Variants in CFAP45 observed in about 807,000 individuals in gnomAD.
CFAP45 encodes cilia- and flagella-associated protein 45.
Under a neutral mutation model 75.6 loss-of-function variants are expected in CFAP45, and 43 were observed. The ratio of observed to expected loss-of-function variants is 0.57; its 90% CI spans 0.45 to 0.73. The LOEUF is 0.73. CFAP45 is among the 30% of genes least tolerant of loss of function. The pLI is 0.00. For missense variants in CFAP45, 689 were observed against 701.5 expected (o/e 0.98, Z 0.20); for synonymous variants, 223 against 244.6 (o/e 0.91, Z 0.82).
chr1:159,874,350 C>T (rs549760790), intron 10 of CFAP45, among the ~76,000 whole-genome samples: 77 of 152,224 alleles, frequency 5.1e-4, no homozygotes, highest in Non-Finnish European at 8.8e-4. Context: ...ACCATACATG[C>T]GGCATCCTCC....
At chr1:159,879,331 C>G (rs1649491798) in intron 8 of CFAP45, among the ~76,000 whole-genome samples, 1 of 152,180 alleles carries the variant, frequency 6.6e-6, no homozygotes, top group South Asian at 2.1e-4. Context: ...TCATCCCCAC[C>G]TTCATTCACT....
At chr1:159,878,993 G>A (rs957568587) in intron 8 of CFAP45, among the ~76,000 whole-genome samples, 1 of 152,058 alleles carries the variant, frequency 6.6e-6, no homozygotes, top group Non-Finnish European at 1.5e-5. Context: ...CCGTGAGGTC[G>A]GTAAGGGCTT....
rs141293034 is a variant in CFAP45, at chr1:159,889,369, G to A, written c.273-873C>T. On this transcript the variant is annotated intron_variant, in intron 3 of 11. Transcript: ENST00000368099. ...CAATAAGACACAGACATCTGAGACA[G>A]GAAGTGAAACCTCATCTAATAAAAC... Among the ~76,000 whole-genome samples, 22 of 152,232 alleles carry A rather than the reference G, an allele frequency of 1.4e-4. No individual in the cohort carries two copies. In the East Asian group the frequency reaches 4.0e-3, roughly 28 times the overall value.
chr1:159,886,134 G>C (rs1649672445), intron 6 of CFAP45, among the ~76,000 whole-genome samples: 1 of 152,120 alleles, frequency 6.6e-6, no homozygotes, highest in Non-Finnish European at 1.5e-5. Context: ...TTGAGGTCAG[G>C]AGTTTGAGAC....
chr1:159,875,854 G>C (rs1649387001), intron 10 of CFAP45, among the ~76,000 whole-genome samples: 2 of 152,208 alleles, frequency 1.3e-5, no homozygotes, highest in Admixed American at 1.3e-4. Flanking sequence ...TTTGGGGAGG[G>C]AGCAGAACAG....
chr1:159,888,532 G>T (rs752077132), intron 3 of CFAP45, 36 bp from the exon 4 acceptor site: 4 of 1,604,934 alleles, frequency 2.5e-6, no homozygotes, highest in Non-Finnish European at 3.4e-6. Context: ...GGAGGGGAGA[G>T]GGAAAGCTCT....
chr1:159,899,243 C>G (rs913401806), intron 1 of CFAP45, among the ~76,000 whole-genome samples: 5 of 152,184 alleles, frequency 3.3e-5, no homozygotes, highest in African/African-American at 9.6e-5. Flanking sequence ...ATCTCTCTCC[C>G]GGGCCTTGCA....
intron 2 of CFAP45, 134 bp from the exon 3 acceptor site, chr1:159,890,756 T>TA: frequency 2.9e-4 from 157 of 545,474 alleles, no homozygotes; most frequent in Non-Finnish European, 3.9e-4. Context: ...GCTTTTCTTT[T>TA]CTTTTTTTTT....
intron 10 of CFAP45, among the ~76,000 whole-genome samples, chr1:159,874,500 CA>C (rs879529247): frequency 2.0e-5 from 3 of 152,220 alleles, no homozygotes; most frequent in Admixed American, 6.5e-5. Context: ...ACTTCCCAGA[CA>C]CATCTCTGAT....
In CFAP45 at chr1:159,873,000, G is replaced by A. The variant is rs149683405; in HGVS notation, c.1521C>T (p.Ala507=). 9.5e-5 allele frequency: 153 copies of A among 1,614,166 alleles called. No homozygotes were observed. The highest frequency in any genetic ancestry group is 1.3e-4 in the Non-Finnish European group (148 of 1,180,030). The change falls in exon 11 of 12, where the codon GCC becomes GCT. Residue 507 remains alanine (A), a synonymous_variant. Transcript: ENST00000368099. ...CATCGATGCGCTCACGGCGTTTCTG[G>A]GCCTCCTCTTTGAGGCGCCGGCCCT... ...FEEGRRLKEE[A]QKRRERIDEI...
chr1:159,884,582 C>G lies in CFAP45; in HGVS notation c.768-17G>C, dbSNP rs1649631082. 6.2e-7 allele frequency: 1 copy of G among 1,610,874 alleles called. No individual in the cohort carries two copies. Among genetic ancestry groups the G allele is most frequent in the Admixed American group, 1.7e-5 (1 of 59,728 alleles). ...CGCCTTCCTCTTGGAGAGAACAGTGCCACAGTGTCTTAGAAACCCCGGGTC... is the reference window on the plus strand; with the variant it reads ...CGCCTTCCTCTTGGAGAGAACAGTGGCACAGTGTCTTAGAAACCCCGGGTC... On this transcript the variant is annotated splice_polypyrimidine_tract_variant and intron_variant, in intron 6 of 11. Coordinates refer to ENST00000368099, the MANE Select transcript of CFAP45 (RefSeq NM_012337.3).
At chr1:159,881,643 GA>G (rs1447866214) in intron 7 of CFAP45, among the ~76,000 whole-genome samples, 3 of 152,252 alleles carry the variant, frequency 2.0e-5, no homozygotes, top group South Asian at 4.1e-4. Context: ...AGAAAGGAAA[GA>G]AAAAAAGTTC....
rs1321697337 is a variant in CFAP45, at chr1:159,873,051, C to T, written c.1470G>A (p.Val490=). ...RQVRENQQKE[V]QNRIATFEEG... ...CCTCAAAGGTGGCAATCCGGTTCTG[C>T]ACTTCCTTCTGCTGGTTCTCGCGCA... Residue 490 remains valine, a synonymous_variant, in exon 11 of 12, where the codon GTG becomes GTA. Transcript: ENST00000368099. 2.5e-6 allele frequency: 4 copies of T among 1,614,262 alleles called. No homozygotes were observed. The East Asian group carries it at 8.9e-5, about 36-fold the overall frequency.
chr1:159,883,946 T>A (rs1649614618), intron 7 of CFAP45, among the ~76,000 whole-genome samples: 1 of 152,204 alleles, frequency 6.6e-6, no homozygotes, highest in Admixed American at 6.5e-5. Flanking sequence ...TAAATATGCT[T>A]ACTAATTTTA....
At chr1:159,899,784 A>G (rs1034484365) in intron 1 of CFAP45, among the ~76,000 whole-genome samples, 6 of 151,952 alleles carry the variant, frequency 3.9e-5, no homozygotes, top group African/African-American at 1.4e-4. Context: ...GCTTTTTCCC[A>G]CACCACATCC....
intron 2 of CFAP45, among the ~76,000 whole-genome samples, 184 bp downstream of exon 2, chr1:159,892,996 C>T (rs1425485000): frequency 2.6e-5 from 4 of 152,100 alleles, no homozygotes; most frequent in African/African-American, 9.7e-5. Context: ...GCTAGGTGTC[C>T]CTGTTTACAT....
chr1:159,877,383 A>C lies in CFAP45; in HGVS notation c.1124T>G (p.Met375Arg). Residue 375 changes from methionine (M) to arginine (R), a missense_variant, in exon 9 of 12, where the codon ATG becomes AGG. Coordinates refer to ENST00000368099, the MANE Select transcript of CFAP45 (RefSeq NM_012337.3). The stretch of plus-strand genomic sequence containing the variant: ...CTGGTAATCCTGGGCCTTCTCCTGC[A>C]TGGCCCTCAAGCGTGCGATCTCCTT... ...KEKEIARLRA[M>R]QEKAQDYQAE... is the part of the protein sequence containing the mutation. 2 of 1,613,950 alleles carry C rather than the reference A, an allele frequency of 1.2e-6. No homozygotes were observed. Among genetic ancestry groups the C allele is most frequent in the Non-Finnish European group, 1.7e-6 (2 of 1,179,810 alleles).
chr1:159,877,556 C>T lies in CFAP45; in HGVS notation c.1045-94G>A, dbSNP rs530639557. ...TACAACAGACTTTCCAATATCTCCCCTACCACTTCCTGACTCCTTTTAAAA... is the reference window on the plus strand; with the variant it reads ...TACAACAGACTTTCCAATATCTCCCTTACCACTTCCTGACTCCTTTTAAAA... On this transcript the variant is annotated intron_variant, in intron 8 of 11. Transcript: ENST00000368099. 10 of 852,152 alleles carry T rather than the reference C, an allele frequency of 1.2e-5. No individual in the cohort carries two copies. In the Admixed American group the frequency reaches 1.5e-4, roughly 13 times the overall value. The allele number at this position is 852,152 out of a possible 1,614,324, so 52.8% of individuals were successfully genotyped here.
rs770971917 is a variant in CFAP45, at chr1:159,888,399, G to A, written c.370C>T (p.Leu124Phe). 3 of 1,612,444 alleles carry A rather than the reference G, an allele frequency of 1.9e-6. No individual in the cohort carries two copies. Among genetic ancestry groups the A allele is most frequent in the Non-Finnish European group, 8.5e-7 (1 of 1,178,876 alleles). The change falls in exon 4 of 12, where the codon CTT (leucine) becomes TTT (phenylalanine). Residue 124 changes from leucine (L) to phenylalanine (F), a missense_variant. By Grantham distance (22) the Leu-to-Phe change is conservative. Transcript: ENST00000368099. ...TTGAAGGCCTGGTCCCTGGCCTCAA[G>A]TTCTTCTCTGGTCAGGACATGGGAT... ...WASHVLTREE[L>F]EARDQAFKKE...
Sources: gnomAD v4.1 joint callset for allele counts (sites outside exome capture counted in the v4.1 genomes callset) on GRCh38, gnomAD v4.1.1 for gene constraint, MANE v1.5 for transcripts, NCBI Gene and HGNC (gene_info 2026-07-23, HGNC 2026-07-21) for gene names.